The following CACNA2D3 variants were observed in gnomAD, a reference collection of about 807,000 sequenced individuals.
CACNA2D3 encodes calcium voltage-gated channel auxiliary subunit alpha2delta 3, also known as voltage-dependent calcium channel subunit alpha-2/delta-3.
In CACNA2D3, 60 loss-of-function variants were observed where a neutral mutation model predicts 160.6. The ratio of observed to expected loss-of-function variants is 0.37; its 90% CI spans 0.30 to 0.46. The LOEUF (loss-of-function observed/expected upper bound fraction) is 0.46, where lower values mean the gene tolerates loss of function less well. Among genes scored for constraint, CACNA2D3 ranks in the 20% least tolerant of loss-of-function variants. The probability of loss-of-function intolerance (pLI) is 1.00; values close to 1 mark genes in which losing one functional copy is unlikely to be tolerated. For synonymous variants in CACNA2D3, 558 were observed against 492.9 expected (o/e 1.13, Z -1.75); for missense variants, 1,205 against 1,365.0 (o/e 0.88, Z 1.85).
At chr3:54,726,774 C>A (rs1170362738) in intron 11 of CACNA2D3, among the ~76,000 whole-genome samples, 1 of 152,090 alleles carries the variant, frequency 6.6e-6, no homozygotes, top group Non-Finnish European at 1.5e-5. Context: ...CAAGGTGGAT[C>A]AAAGACTTAA....
chr3:54,747,446 A>G (rs546257162), intron 11 of CACNA2D3, among the ~76,000 whole-genome samples: 1 of 152,294 alleles, frequency 6.6e-6, no homozygotes, highest in East Asian at 1.9e-4. Flanking sequence ...CAGAATTATA[A>G]GATTATCATA....
intron 2 of CACNA2D3, among the ~76,000 whole-genome samples, chr3:54,260,404 G>A (rs1702382255): frequency 6.6e-6 from 1 of 152,182 alleles, no homozygotes. Context: ...TCTGGCAAGG[G>A]CCTTCTTGCT....
At chr3:54,622,307 G>A (rs779269846) in intron 9 of CACNA2D3, among the ~76,000 whole-genome samples, 5 of 152,152 alleles carry the variant, frequency 3.3e-5, no homozygotes, top group African/African-American at 4.8e-5. Context: ...ATGGAGTCTC[G>A]CTCTTTCGCC....
intron 4 of CACNA2D3, among the ~76,000 whole-genome samples, chr3:54,444,070 A>G (rs1046607876): frequency 1.3e-5 from 2 of 152,144 alleles, no homozygotes; most frequent in Non-Finnish European, 1.5e-5. Context: ...TTTGTTTATC[A>G]AAGGCAATGG....
At chr3:54,181,721 T>G (rs1447901284) in intron 2 of CACNA2D3, among the ~76,000 whole-genome samples, 1 of 152,208 alleles carries the variant, frequency 6.6e-6, no homozygotes, top group Admixed American at 6.5e-5. Flanking sequence ...TTTTAAACAA[T>G]TCTTGCGAGC....
At chr3:54,508,133 G>A (rs753734222) in intron 5 of CACNA2D3, among the ~76,000 whole-genome samples, 2 of 152,204 alleles carry the variant, frequency 1.3e-5, no homozygotes, top group Non-Finnish European at 2.9e-5. Context: ...AGCCAAAGTG[G>A]CAGCAGCAGT....
At chr3:54,961,271 G>A (rs1702024164) in intron 27 of CACNA2D3, among the ~76,000 whole-genome samples, 1 of 152,194 alleles carries the variant, frequency 6.6e-6, no homozygotes, top group Admixed American at 6.5e-5. Context: ...ACCAAGCCAT[G>A]TAAAAATACC....
At chr3:54,160,794 A>T (rs932196762) in intron 2 of CACNA2D3, among the ~76,000 whole-genome samples, 3 of 152,234 alleles carry the variant, frequency 2.0e-5, no homozygotes, top group African/African-American at 7.2e-5. Flanking sequence ...GACACTCATT[A>T]ACCAATTTGT....
Position 54,642,192 on chromosome 3 carries a change from T to C in CACNA2D3, c.1118T>C (p.Val373Ala). Reference protein sequence around the residue: ...QAIMLITDGAVDTYDTIFAKY... With the variant: ...QAIMLITDGAADTYDTIFAKY... ...ATCATGCTCATAACTGATGGGGCGG[T>C]GGACACCTATGATACAATCTTTGCA... is the stretch of plus-strand genomic sequence containing the variant. Residue 373 changes from valine (V) to alanine (A), a missense_variant, in exon 11 of 38, where the codon GTG (valine) becomes GCG (alanine). Around this residue, in one of 3 missense-constraint regions of CACNA2D3, gnomAD observed 911 missense variants for 1,002.2 expected, o/e 0.91. Coordinates refer to ENST00000474759, the MANE Select transcript of CACNA2D3 (RefSeq NM_018398.3). The C allele has an allele frequency of 6.2e-7, 1 of 1,613,280 alleles. No individual in the cohort carries two copies.
chr3:54,779,482 A>G (rs1171225860), intron 13 of CACNA2D3, among the ~76,000 whole-genome samples: 1 of 152,198 alleles, frequency 6.6e-6, no homozygotes, highest in Non-Finnish European at 1.5e-5. Context: ...AAATCCTTGA[A>G]AATAATCCCT....
At chr3:54,780,363 A>G (rs1367844115) in intron 13 of CACNA2D3, among the ~76,000 whole-genome samples, 1 of 152,242 alleles carries the variant, frequency 6.6e-6, no homozygotes, top group Admixed American at 6.5e-5. Flanking sequence ...TTTTCTGTGC[A>G]TGTTGCTAAA....
chr3:54,462,016 G>T (rs1178188934), intron 4 of CACNA2D3, among the ~76,000 whole-genome samples: 1 of 152,096 alleles, frequency 6.6e-6, no homozygotes, highest in Non-Finnish European at 1.5e-5. Flanking sequence ...CTTTATTTCT[G>T]CCTTCATTTC....
intron 17 of CACNA2D3, among the ~76,000 whole-genome samples, chr3:54,868,711 A>G (rs545591062): frequency 3.3e-5 from 5 of 152,232 alleles, no homozygotes; most frequent in Non-Finnish European, 7.4e-5. Flanking sequence ...ATTGTCTGAC[A>G]CCATCATAGT....
chr3:54,801,930 C>T (rs1252831193), intron 13 of CACNA2D3, among the ~76,000 whole-genome samples: 3 of 152,006 alleles, frequency 2.0e-5, no homozygotes, highest in African/African-American at 7.3e-5. Flanking sequence ...TACATAGATA[C>T]CATTTTACCC....
chr3:54,987,477 G>A (rs566736189), intron 30 of CACNA2D3, among the ~76,000 whole-genome samples: 2 of 152,224 alleles, frequency 1.3e-5, no homozygotes, highest in Middle Eastern at 3.4e-3. Flanking sequence ...CCCCTCCCAC[G>A]TACTGTGGAA....
At chr3:54,558,984 A>G (rs1010504042) in intron 5 of CACNA2D3, among the ~76,000 whole-genome samples, 2 of 152,084 alleles carry the variant, frequency 1.3e-5, no homozygotes, top group Admixed American at 1.3e-4. Context: ...TAGGAGGTAA[A>G]GTAAGCACCA....
At position 54,918,612 on chromosome 3, in the gene CACNA2D3, C is replaced by G. The variant is rs146117666; in HGVS notation, c.2449+18744C>G. The G allele has an allele frequency of 1.6e-4, 252 of 1,614,166 alleles. 1 individual carries two copies. The African/African-American group carries it at 3.0e-3, about 19-fold the overall frequency. Reference sequence around the variant, plus strand: ...ACATCATGAGACACACAATCCCACACACAACGCCAGTGATGATGACAGTGG... The same window carrying G: ...ACATCATGAGACACACAATCCCACAGACAACGCCAGTGATGATGACAGTGG... On this transcript the variant is annotated intron_variant, in intron 27 of 37. Transcript: ENST00000474759.
chr3:54,993,638 G>A (rs1224164182), intron 31 of CACNA2D3, among the ~76,000 whole-genome samples: 1 of 152,064 alleles, frequency 6.6e-6, no homozygotes, highest in African/African-American at 2.4e-5. Context: ...GAACTTGAGG[G>A]TTTGCCCTGG....
At chr3:54,662,300 C>T (rs545319958) in intron 11 of CACNA2D3, among the ~76,000 whole-genome samples, 2 of 152,214 alleles carry the variant, frequency 1.3e-5, no homozygotes, top group South Asian at 4.2e-4. Context: ...ATGGATGGAG[C>T]CTGACACTCC....
Sources: gnomAD v4.1 joint callset for allele counts (sites outside exome capture counted in the v4.1 genomes callset) on GRCh38, gnomAD v4.1.1 for gene constraint, gnomAD v4.1.1 regional missense constraint, MANE v1.5 for transcripts, NCBI Gene and HGNC (gene_info 2026-07-23, HGNC 2026-07-21) for gene names.